Variants in IGF2R observed in about 807,000 individuals in gnomAD.
The protein encoded by IGF2R is cation-independent mannose-6-phosphate receptor.
Under a neutral mutation model 270.6 loss-of-function variants are expected in IGF2R, and 91 were observed. The ratio of observed to expected loss-of-function variants is 0.34; its 90% CI spans 0.28 to 0.40. The LOEUF (loss-of-function observed/expected upper bound fraction) is 0.40, where lower values mean the gene tolerates loss of function less well. IGF2R is among the 10% of genes least tolerant of loss of function. The pLI is 1.00. For missense variants in IGF2R, 2,805 were observed against 3,188.3 expected, an observed-to-expected ratio of 0.88 and a Z score of 2.90; for synonymous variants, 1,316 against 1,258.9, an observed-to-expected ratio of 1.05 and a Z score of -0.96.
chr6:160,031,771 G>A (rs961765406), intron 7 of IGF2R, among the ~76,000 whole-genome samples: 6 of 152,184 alleles, frequency 3.9e-5, no homozygotes, highest in Non-Finnish European at 7.3e-5. Context: ...TGTAGCAGGT[G>A]CTCAGTGAGT....
chr6:159,981,501 C>G lies in IGF2R; in HGVS notation c.150-9683C>G, dbSNP rs149870821. On this transcript the variant is annotated intron_variant, in intron 1 of 47. Coordinates refer to ENST00000356956, the MANE Select transcript of IGF2R (RefSeq NM_000876.4). ...GCACCCCCCGCCCCCAGCCAACTCACCTTTTTTTGTAAACTTAGTTTTTAA... is the reference window on the plus strand; with the variant it reads ...GCACCCCCCGCCCCCAGCCAACTCAGCTTTTTTTGTAAACTTAGTTTTTAA... Among the ~76,000 whole-genome samples, 231 of 152,320 alleles carry G rather than the reference C, an allele frequency of 1.5e-3. 2 individuals carry two copies. The highest frequency in any genetic ancestry group is 5.2e-3 in the African/African-American group (217 of 41,560).
At position 160,086,998 on chromosome 6, in the gene IGF2R, C is replaced by T. The variant is rs544516514; in HGVS notation, c.6206-1035C>T. 2.6e-5 allele frequency among the ~76,000 whole-genome samples: 4 copies of T among 152,238 alleles called. No individual in the cohort carries two copies. The East Asian group carries it at 5.8e-4, about 22-fold the overall frequency. On this transcript the variant is annotated intron_variant, in intron 41 of 47. Transcript: ENST00000356956. The stretch of plus-strand genomic sequence containing the variant: ...AGACCGTTCCCAGAACAGCCCCCTG[C>T]GCAGCCACAAGCAGCCTCTTGGTGG...
chr6:160,026,692 A>G (rs985278506), intron 5 of IGF2R, among the ~76,000 whole-genome samples: 1 of 152,236 alleles, frequency 6.6e-6, no homozygotes, highest in Non-Finnish European at 1.5e-5. Context: ...GTATGTTTTC[A>G]TCTTTAATCC....
intron 2 of IGF2R, chr6:160,003,787 A>AAGTAGT: frequency 6.6e-6 from 1 of 152,320 alleles, no homozygotes; most frequent in South Asian, 2.1e-4. Context: ...AGCAATGGCT[A>AAGTAGT]AGTAGTATGT....
At position 160,088,051 on chromosome 6, in the gene IGF2R, C is replaced by T. The variant is rs748519021; in HGVS notation, c.6224C>T (p.Thr2075Met). ...GTTTCAGGTGACAAAGTTGTTGTCA[C>T]GTACTCCAAAGGTTATCCGTGTGGT... is the stretch of plus-strand genomic sequence containing the variant. ...LGVIGDKVVV[T>M]YSKGYPCGGN... Residue 2075 changes from threonine (T) to methionine (M), a missense_variant, in exon 42 of 48, where the codon ACG becomes ATG. This residue lies in a region of IGF2R where 1,851 missense variants were observed against 2,207.2 expected (regional missense o/e 0.84). Coordinates refer to ENST00000356956, the MANE Select transcript of IGF2R (RefSeq NM_000876.4). The T allele has an allele frequency of 7.5e-6, 12 of 1,610,482 alleles. No homozygotes were observed. The highest frequency in any genetic ancestry group is 2.2e-5 in the South Asian group (2 of 91,016).
intron 37 of IGF2R, among the ~76,000 whole-genome samples, chr6:160,079,054 G>A (rs1237248266): frequency 6.6e-6 from 1 of 152,184 alleles, no homozygotes; most frequent in African/African-American, 2.4e-5. Context: ...TGATGAGCCT[G>A]GAGTTTTGGG....
intron 1 of IGF2R, among the ~76,000 whole-genome samples, chr6:159,974,706 C>G (rs1014025223): frequency 6.6e-6 from 1 of 152,090 alleles, no homozygotes; most frequent in Non-Finnish European, 1.5e-5. Flanking sequence ...AGACTATACT[C>G]TACCACTCCC....
At chr6:160,056,391 G>C (rs371816549) in intron 19 of IGF2R, 33 bp from the exon 20 acceptor site, 5 of 1,384,064 alleles carry the variant, frequency 3.6e-6, no homozygotes, top group Non-Finnish European at 4.1e-6. Context: ...CCATGTTACT[G>C]TATTGACTTT....
rs191267414 is a variant in IGF2R at position 160,032,188 on chromosome 6, G to A, written c.883-363G>A. Among the ~76,000 whole-genome samples the A allele has an allele frequency of 2.3e-4, 35 of 152,326 alleles. 1 individual carries two copies. The East Asian group carries it at 6.4e-3, about 28-fold the overall frequency. On this transcript the variant is annotated intron_variant, in intron 7 of 47. Transcript: ENST00000356956. ...ACCATGCACCCTGCACGGCCTGTTA[G>A]CGCTTGCCGATGTCCTAGTGATTGC...
At position 160,056,499 on chromosome 6, in the gene IGF2R, A is replaced by G. The variant is rs1457140363; in HGVS notation, c.2770A>G (p.Ile924Val). ...GTGGAACACAGAGGCTGCCTGTCCCATTCAGACAACGACGGATACAGACCA... is the reference window on the plus strand; with the variant it reads ...GTGGAACACAGAGGCTGCCTGTCCCGTTCAGACAACGACGGATACAGACCA... The part of the protein sequence containing the change: ...FLWNTEAACP[I>V]QTTTDTDQAC... The change falls in exon 20 of 48, where the codon ATT (isoleucine) becomes GTT (valine). Residue 924 changes from isoleucine to valine, a missense_variant. Physicochemically the swap from Ile to Val is conservative, Grantham distance 29. Around this residue, in one of 2 missense-constraint regions of IGF2R, gnomAD observed 1,851 missense variants for 2,207.2 expected, o/e 0.84. Transcript: ENST00000356956. The G allele has an allele frequency of 6.2e-7, 1 of 1,613,644 alleles. No individual in the cohort carries two copies.
intron 42 of IGF2R, 28 bp downstream of exon 42, chr6:160,088,175 A>G: frequency 7.4e-7 from 1 of 1,357,230 alleles, no homozygotes; most frequent in South Asian, 1.2e-5. Context: ...TCAGAGCGGG[A>G]CTGTGCAGTG....
chr6:160,027,440 A>G (rs1777587266), intron 6 of IGF2R, 126 bp downstream of exon 6: 1 of 1,054,010 alleles, frequency 9.5e-7, no homozygotes, highest in Non-Finnish European at 1.4e-6. Flanking sequence ...GCTGCTTCAC[A>G]TGTACTTGTA....
chr6:160,073,074 A>G (rs141666676), intron 33 of IGF2R, 139 bp from the exon 34 acceptor site: 72 of 1,381,492 alleles, frequency 5.2e-5, no homozygotes, highest in African/African-American at 8.7e-5. Context: ...ATGTAAAACA[A>G]TGGTTAAAGC....
intron 2 of IGF2R, among the ~76,000 whole-genome samples, chr6:160,001,796 C>T (rs1382873877): frequency 6.6e-6 from 1 of 152,222 alleles, no homozygotes; most frequent in Non-Finnish European, 1.5e-5. Flanking sequence ...CCATCATTTT[C>T]ATAGGGCCTG....
At chr6:160,065,053 G>T in intron 29 of IGF2R, 152 bp downstream of exon 29, 1 of 623,066 alleles carries the variant, frequency 1.6e-6, no homozygotes, top group East Asian at 2.8e-5. Flanking sequence ...GTCGGGCTAG[G>T]TTAACTCTCA....
Position 160,104,943 on chromosome 6 carries a change from G to T in IGF2R, c.7335G>T (p.Glu2445Asp). 2 of 1,614,178 alleles carry T rather than the reference G, an allele frequency of 1.2e-6. No homozygotes were observed. The highest frequency in any genetic ancestry group is 2.7e-5 in the African/African-American group (2 of 75,066). Residue 2445 changes from glutamate to aspartate, a missense_variant, in exon 48 of 48, where the codon GAG becomes GAT. By Grantham distance (45) the Glu-to-Asp change is conservative. Around this residue, in one of 2 missense-constraint regions of IGF2R, gnomAD observed 1,851 missense variants for 2,207.2 expected, o/e 0.84. Coordinates refer to ENST00000356956, the MANE Select transcript of IGF2R (RefSeq NM_000876.4). ...VRNAQSNALQ[E>D]REDDRVGLVR... is the part of the protein sequence containing the mutation. Reference sequence around the variant, plus strand: ...ACGCACAGAGCAATGCCCTTCAGGAGCGTGAGGACGATAGGGTGGGGCTGG... The same window carrying T: ...ACGCACAGAGCAATGCCCTTCAGGATCGTGAGGACGATAGGGTGGGGCTGG...
chr6:160,058,874 T>A, intron 21 of IGF2R, 32 bp from the exon 22 acceptor site: 2 of 1,593,150 alleles, frequency 1.3e-6, no homozygotes, highest in Non-Finnish European at 1.7e-6. Context: ...GGCATAAATT[T>A]GTTTGTATGG....
At chr6:159,984,816 T>C (rs1015211392) in intron 1 of IGF2R, among the ~76,000 whole-genome samples, 6 of 152,226 alleles carry the variant, frequency 3.9e-5, no homozygotes, top group African/African-American at 1.4e-4. Context: ...TTACCCATGG[T>C]CACTTGCAGT....
At chr6:160,000,107 A>G (rs1784106103) in intron 2 of IGF2R, among the ~76,000 whole-genome samples, 1 of 152,252 alleles carries the variant, frequency 6.6e-6, no homozygotes, top group Admixed American at 6.5e-5. Context: ...CAGGTAATTC[A>G]CAAAAGAAGA....
Sources: allele counts gnomAD v4.1 joint callset (sites outside exome capture counted in the v4.1 genomes callset), GRCh38; gene constraint gnomAD v4.1.1; regional missense constraint gnomAD v4.1.1; transcripts MANE v1.5; gene names NCBI Gene and HGNC (gene_info 2026-07-23, HGNC 2026-07-21).